The following SLC7A9 variants were observed in gnomAD, a reference collection of about 807,000 sequenced individuals.
SLC7A9 encodes B(0,+)-type amino acid transporter 1.
A neutral mutation model predicts 54.1 loss-of-function variants in SLC7A9; 38 were observed. The ratio of observed to expected loss-of-function variants is 0.70; its 90% CI spans 0.54 to 0.92. The LOEUF (loss-of-function observed/expected upper bound fraction) is 0.92. SLC7A9 is among the 40% of genes least tolerant of loss of function. SLC7A9 has a pLI of 0.00. For missense variants in SLC7A9, 537 were observed against 636.1 expected (o/e 0.84, Z 1.68); for synonymous variants, 264 against 258.9 (o/e 1.02, Z -0.19).
chr19:32,857,881 C>G (rs1014874201), intron 9 of SLC7A9, among the ~76,000 whole-genome samples: 1 of 152,186 alleles, frequency 6.6e-6, no homozygotes, highest in African/African-American at 2.4e-5. Context: ...GCTGTTCACT[C>G]TTGGGTACCA....
intron 4 of SLC7A9, 49 bp downstream of exon 4, chr19:32,864,047 C>T: frequency 1.9e-6 from 3 of 1,612,330 alleles, no homozygotes; most frequent in Non-Finnish European, 2.5e-6. Context: ...CCCCAGACAC[C>T]CTCTGTGCCA....
At chr19:32,850,311 G>A (rs1465478197) in intron 9 of SLC7A9, among the ~76,000 whole-genome samples, 1 of 148,640 alleles carries the variant, frequency 6.7e-6, no homozygotes, top group Non-Finnish European at 1.5e-5. Flanking sequence ...ATCTCCTTAA[G>A]CTGATAAGCA....
At chr19:32,832,619 AAAAG>A (rs1312589578) in intron 12 of SLC7A9, among the ~76,000 whole-genome samples, 1 of 149,920 alleles carries the variant, frequency 6.7e-6, no homozygotes, top group African/African-American at 2.5e-5. Context: ...GAAAGAAAGA[AAAAG>A]AAAAACGGCC....
chr19:32,852,346 C>T (rs1487072622), intron 9 of SLC7A9, among the ~76,000 whole-genome samples: 1 of 151,652 alleles, frequency 6.6e-6, no homozygotes, highest in Non-Finnish European at 1.5e-5. Flanking sequence ...TAATATTAGC[C>T]ATGCATGGTG....
Position 32,862,185 on chromosome 19 carries a change from C to A in SLC7A9, c.637G>T (p.Gly213Cys). ...NTKNFDNSFE[G>C]AQLSVGAISL... The stretch of plus-strand genomic sequence containing the variant: ...ATGGCTCCCACAGACAGCTGGGCGC[C>A]CTCGAAAGAATTATCAAAATTCTTT... Residue 213 changes from glycine (G) to cysteine (C), a missense_variant, in exon 6 of 13, where the codon GGC (glycine) becomes TGC (cysteine). Coordinates refer to ENST00000023064, the MANE Select transcript of SLC7A9 (RefSeq NM_014270.5). 1 of 1,613,934 alleles carries A rather than the reference C, an allele frequency of 6.2e-7. No individual in the cohort carries two copies.
At chr19:32,832,426 A>G (rs1967825523) in intron 12 of SLC7A9, among the ~76,000 whole-genome samples, 1 of 151,848 alleles carries the variant, frequency 6.6e-6, no homozygotes, top group South Asian at 2.1e-4. Flanking sequence ...ATCTGTACTA[A>G]AAATACAAAA....
chr19:32,856,195 GTTTT>G, intron 9 of SLC7A9, among the ~76,000 whole-genome samples: 1 of 142,586 alleles, frequency 7.0e-6, no homozygotes, highest in East Asian at 2.1e-4. Flanking sequence ...ATAGCTAGTG[GTTTT>G]TTTTTTTTTT....
intron 2 of SLC7A9, among the ~76,000 whole-genome samples, chr19:32,866,071 C>A (rs1968962456): frequency 6.6e-6 from 1 of 152,138 alleles, no homozygotes; most frequent in African/African-American, 2.4e-5. Context: ...TCAGAAGCAG[C>A]CCCGGCCAGA....
intron 11 of SLC7A9, among the ~76,000 whole-genome samples, chr19:32,834,519 A>C (rs986805083): frequency 9.2e-5 from 14 of 152,106 alleles, no homozygotes; most frequent in Admixed American, 8.5e-4. Context: ...AATCCCAGCA[A>C]CTTGGGAAGC....
chr19:32,842,547 A>T (rs1348693759), intron 10 of SLC7A9, among the ~76,000 whole-genome samples: 1 of 152,196 alleles, frequency 6.6e-6, no homozygotes, highest in East Asian at 1.9e-4. Context: ...TTGTGATTTT[A>T]AGCAAGGGAA....
At chr19:32,854,218 T>C (rs1343972780) in intron 9 of SLC7A9, among the ~76,000 whole-genome samples, 1 of 152,078 alleles carries the variant, frequency 6.6e-6, no homozygotes, top group African/African-American at 2.4e-5. Flanking sequence ...TCTCACTATG[T>C]TGCCTAGGCT....
At chr19:32,864,423 G>A (rs1968901443) in intron 3 of SLC7A9, 85 bp from the exon 4 acceptor site, 3 of 1,586,576 alleles carry the variant, frequency 1.9e-6, no homozygotes, top group African/African-American at 1.3e-5. Context: ...CGGAGGCTGC[G>A]CTCGTATGGA....
chr19:32,853,528 A>C (rs946514801), intron 9 of SLC7A9, among the ~76,000 whole-genome samples: 15 of 152,186 alleles, frequency 9.9e-5, no homozygotes, highest in Non-Finnish European at 1.8e-4. Context: ...TAACAGTACC[A>C]TTTACAATAG....
At chr19:32,862,758 G>A in intron 4 of SLC7A9, 172 bp from the exon 5 acceptor site, 1 of 509,064 alleles carries the variant, frequency 2.0e-6, no homozygotes, top group Non-Finnish European at 3.0e-6. Flanking sequence ...AGCAATCTTT[G>A]CCTCCCCGGT....
chr19:32,848,329 G>C (rs575293602), intron 9 of SLC7A9, among the ~76,000 whole-genome samples: 1 of 152,104 alleles, frequency 6.6e-6, no homozygotes, highest in Non-Finnish European at 1.5e-5. Context: ...TCAAAATAAA[G>C]GGATGGAGGA....
rs199938269 is a variant in SLC7A9, at chr19:32,862,596, T to C, written c.479-10A>G. ...ACTGTCGAGATGAACACTGGAAGGG[T>C]GGGGACAGTTTCTGCATTTATGGTT... On this transcript the variant is annotated splice_polypyrimidine_tract_variant and intron_variant, in intron 4 of 12. Transcript: ENST00000023064. 5 of 1,613,584 alleles carry C rather than the reference T, an allele frequency of 3.1e-6. No individual in the cohort carries two copies. The East Asian group carries it at 1.1e-4, about 36-fold the overall frequency.
chr19:32,838,028 C>A (rs1344816205), intron 11 of SLC7A9, among the ~76,000 whole-genome samples: 1 of 152,182 alleles, frequency 6.6e-6, no homozygotes, highest in African/African-American at 2.4e-5. Flanking sequence ...CAGGGTGAGA[C>A]ACTGTGACAG....
chr19:32,843,882 G>A lies in SLC7A9; in HGVS notation c.1047C>T (p.Leu349=), dbSNP rs758746402. 1.9e-6 allele frequency: 3 copies of A among 1,613,890 alleles called. No individual in the cohort carries two copies. In the East Asian group the frequency reaches 6.7e-5, roughly 36 times the overall value. ...KVLSYISVRR[L]TPAPAIIFYG... is the part of the protein sequence containing the mutation. ...AAAAGATGATGGCGGGGGCTGGAGT[G>A]AGGCGCCTGACGCTGATGTAAGAAA... The change falls in exon 10 of 13, where the codon CTC becomes CTT. Residue 349 remains leucine (L), a synonymous_variant. Coordinates refer to ENST00000023064, the MANE Select transcript of SLC7A9 (RefSeq NM_014270.5).
intron 12 of SLC7A9, chr19:32,832,777 T>G: frequency 3.5e-6 from 1 of 289,564 alleles, no homozygotes. Flanking sequence ...CCAGGTGTAG[T>G]GTGTGCCTGT....
Sources: allele counts gnomAD v4.1 joint callset (sites outside exome capture counted in the v4.1 genomes callset), GRCh38; gene constraint gnomAD v4.1.1; transcripts MANE v1.5; gene names NCBI Gene and HGNC (gene_info 2026-07-23, HGNC 2026-07-21).